ARHGEF28: variants seen among roughly 807,000 people sequenced by gnomAD.
ARHGEF28 encodes the protein Rho guanine nucleotide exchange factor 28.
A neutral mutation model predicts 206.6 loss-of-function variants in ARHGEF28; 152 were observed. The ratio of observed to expected loss-of-function variants is 0.74; its 90% confidence interval spans 0.64 to 0.84. The LOEUF (loss-of-function observed/expected upper bound fraction) is 0.84. Ranked by LOEUF, ARHGEF28 falls within the 40% of genes least tolerant of loss-of-function variation. ARHGEF28 has a pLI of 0.00. For missense variants in ARHGEF28, 2,028 were observed against 2,073.2 expected (o/e 0.98, Z 0.42); for synonymous variants, 763 against 776.4 (o/e 0.98, Z 0.29).
intron 1 of ARHGEF28, among the ~76,000 whole-genome samples, chr5:73,666,634 G>C (rs1429236571): frequency 6.6e-6 from 1 of 152,218 alleles, no homozygotes; most frequent in Non-Finnish European, 1.5e-5. Context: ...ACTGTAGAAT[G>C]ATGAGGTTCA....
intron 23 of ARHGEF28, 57 bp from the exon 24 acceptor site, chr5:73,883,710 C>G (rs922631028): frequency 2.6e-6 from 3 of 1,133,214 alleles, no homozygotes; most frequent in Admixed American, 5.2e-5. Context: ...GTTACATTCA[C>G]ACCTGAAAAG....
chr5:73,940,693 C>G (rs557911446), intron 35 of ARHGEF28, 151 bp from the exon 36 acceptor site: 3 of 512,366 alleles, frequency 5.9e-6, no homozygotes, highest in Non-Finnish European at 9.1e-6. Context: ...GATTTTGACA[C>G]CTATTATGTT....
At chr5:73,664,607 C>CTGAT (rs1305131470) in intron 1 of ARHGEF28, among the ~76,000 whole-genome samples, 1 of 152,170 alleles carries the variant, frequency 6.6e-6, no homozygotes, top group Non-Finnish European at 1.5e-5. Flanking sequence ...AATGTCAGCT[C>CTGAT]TGATTGTTGT....
At chr5:73,740,270 A>G (rs1275241353) in intron 2 of ARHGEF28, among the ~76,000 whole-genome samples, 1 of 152,202 alleles carries the variant, frequency 6.6e-6, no homozygotes, top group Non-Finnish European at 1.5e-5. Context: ...ATTTTAAAAA[A>G]TATTGAAGCA....
At chr5:73,928,088 A>G (rs1763916532) in intron 35 of ARHGEF28, among the ~76,000 whole-genome samples, 1 of 152,250 alleles carries the variant, frequency 6.6e-6, no homozygotes, top group South Asian at 2.1e-4. Flanking sequence ...CAGAATAGGT[A>G]TGTAAGTTCT....
At chr5:73,643,604 C>T (rs1383843095) in intron 1 of ARHGEF28, among the ~76,000 whole-genome samples, 1 of 152,104 alleles carries the variant, frequency 6.6e-6, no homozygotes, top group Non-Finnish European at 1.5e-5. Context: ...CGCTTGAACA[C>T]AGGAGTTCGA....
chr5:73,694,875 G>A (rs78242568), intron 2 of ARHGEF28, among the ~76,000 whole-genome samples: 13,577 of 152,318 alleles, frequency 0.089, 951 homozygotes, highest in African/African-American at 0.2. Context: ...AAGGTCTCAC[G>A]TCCCTGCTCT....
chr5:73,907,418 T>C (rs1008956960), intron 33 of ARHGEF28, among the ~76,000 whole-genome samples: 2 of 152,220 alleles, frequency 1.3e-5, no homozygotes, highest in Non-Finnish European at 2.9e-5. Context: ...AAGTCTACAG[T>C]GAATTATTTT....
chr5:73,670,062 A>G (rs930424343), intron 1 of ARHGEF28, among the ~76,000 whole-genome samples: 13 of 152,216 alleles, frequency 8.5e-5, no homozygotes, highest in African/African-American at 3.1e-4. Flanking sequence ...TCATGTATCT[A>G]CAACCACAGC....
At chr5:73,645,026 G>C (rs549999409) in intron 1 of ARHGEF28, among the ~76,000 whole-genome samples, 1 of 152,060 alleles carries the variant, frequency 6.6e-6, no homozygotes, top group African/African-American at 2.4e-5. Context: ...TTTTTAGAGG[G>C]CTCCTATTAA....
rs555938713 is a variant in ARHGEF28, at chr5:73,898,488, C to A, written c.3973+395C>A. On this transcript the variant is annotated intron_variant, in intron 30 of 35. Coordinates refer to ENST00000513042, the MANE Select transcript of ARHGEF28 (RefSeq NM_001177693.2). ...TACAGAACAAGCCCTTAAACCTAAT[C>A]TCATGTGCATCAACTGAGAAAACAA... 1.3e-4 allele frequency: 21 copies of A among 156,832 alleles called. No individual in the cohort carries two copies. The South Asian group carries it at 3.8e-3, about 28-fold the overall frequency. The allele number at this position is 156,832 out of a possible 1,614,324, so 9.7% of individuals were successfully genotyped here. A position where few individuals can be genotyped will look rare whatever the true frequency, so the allele number is the denominator to read the frequency against.
In ARHGEF28 at chr5:73,706,212, A is replaced by G. The variant is rs1398985610; in HGVS notation, c.33+21328A>G. Among the ~76,000 whole-genome samples the G allele has an allele frequency of 2.6e-5, 4 of 152,178 alleles. 1 individual carries two copies. The highest frequency in any genetic ancestry group is 2.0e-4 in the Admixed American group (3 of 15,282). On this transcript the variant is annotated intron_variant, in intron 2 of 35. Coordinates refer to ENST00000513042, the MANE Select transcript of ARHGEF28 (RefSeq NM_001177693.2). ...TTGTCCTTAGCCTCTAAGGTAGACT[A>G]TTCAAATGAAGCCCATTAAAAATAA...
intron 7 of ARHGEF28, among the ~76,000 whole-genome samples, chr5:73,791,258 C>T (rs1233505674): frequency 6.6e-6 from 1 of 152,164 alleles, no homozygotes; most frequent in East Asian, 1.9e-4. Context: ...GAATTTACAG[C>T]CTATTGAGAA....
At chr5:73,659,023 G>T (rs886492428) in intron 1 of ARHGEF28, among the ~76,000 whole-genome samples, 4 of 149,994 alleles carry the variant, frequency 2.7e-5, no homozygotes, top group African/African-American at 9.8e-5. Flanking sequence ...CACAGGCAGG[G>T]GACTGTATAT....
chr5:73,792,199 A>T (rs772072172), intron 7 of ARHGEF28, among the ~76,000 whole-genome samples: 7 of 152,172 alleles, frequency 4.6e-5, no homozygotes, highest in Non-Finnish European at 7.3e-5. Flanking sequence ...TTAAATGATG[A>T]GGTACAATTT....
intron 9 of ARHGEF28, among the ~76,000 whole-genome samples, chr5:73,819,267 G>A (rs548222556): frequency 2.0e-4 from 31 of 152,300 alleles, no homozygotes; most frequent in South Asian, 4.1e-4. Flanking sequence ...TGCTTAGTAC[G>A]TTTCTTCCCT....
chr5:73,659,224 G>T (rs10063235), intron 1 of ARHGEF28, among the ~76,000 whole-genome samples: 2 of 152,114 alleles, frequency 1.3e-5, no homozygotes, highest in East Asian at 3.8e-4. Flanking sequence ...TAACTATCAC[G>T]TAGTACAGAA....
At chr5:73,801,728 T>C (rs970690035) in intron 9 of ARHGEF28, among the ~76,000 whole-genome samples, 3 of 152,120 alleles carry the variant, frequency 2.0e-5, no homozygotes, top group African/African-American at 4.8e-5. Context: ...TTTTTTCTTT[T>C]CTCTTTTTTT....
chr5:73,685,554 G>A (rs1031783899), intron 2 of ARHGEF28, among the ~76,000 whole-genome samples: 1 of 152,138 alleles, frequency 6.6e-6, no homozygotes, highest in Non-Finnish European at 1.5e-5. Context: ...GTGGGCCTGG[G>A]TGTGTGAGGA....
Sources: allele counts gnomAD v4.1 joint callset (sites outside exome capture counted in the v4.1 genomes callset), GRCh38; gene constraint gnomAD v4.1.1; transcripts MANE v1.5; gene names NCBI Gene and HGNC (gene_info 2026-07-23, HGNC 2026-07-21).